The following GBP7 variants were observed in gnomAD, a reference collection of about 807,000 sequenced individuals.
GBP7 encodes guanylate-binding protein 7.
GBP7 carries 43 observed loss-of-function variants against 61.3 expected under a neutral mutation model. The ratio of observed to expected loss-of-function variants is 0.70; its 90% CI spans 0.55 to 0.91. The LOEUF is 0.91. Ranked by LOEUF, GBP7 falls within the 40% of genes least tolerant of loss-of-function variation. The pLI, the probability that GBP7 is intolerant of heterozygous loss-of-function variation, is 0.00. For missense variants in GBP7, 717 were observed against 740.5 expected, an observed-to-expected ratio of 0.97 and a Z score of 0.37; for synonymous variants, 267 against 271.0, an observed-to-expected ratio of 0.99 and a Z score of 0.14.
Position 89,147,645 on chromosome 1 carries a change from C to G in GBP7, c.1287G>C (p.Pro429=), listed in dbSNP as rs144097685. The G allele has an allele frequency of 6.2e-7, 1 of 1,614,134 alleles. No homozygotes were observed. Among genetic ancestry groups the G allele is most frequent in the African/African-American group, 1.3e-5 (1 of 75,036 alleles). The change falls in exon 8 of 11, where the codon CCG becomes CCC. Residue 429 remains proline (P), a synonymous_variant. Transcript: ENST00000294671. Reference sequence around the variant, plus strand: ...CTTCTAAGTAGATATTGTGCCCCCCCGGAACAAAGAAAGTTCCTCTTGAAA... The same window carrying G: ...CTTCTAAGTAGATATTGTGCCCCCCGGGAACAAAGAAAGTTCCTCTTGAAA... The part of the protein sequence containing the change: ...ESISRGTFFV[P]GGHNIYLEAK...
chr1:89,152,357 G>A lies in GBP7; in HGVS notation c.536C>T (p.Thr179Ile). ...CAGCTCCAGGGTAAAATCTCGAACA[G>A]TCCAAATAAAGTCTGGAAAGAAACT... is the stretch of plus-strand genomic sequence containing the variant. Reference protein sequence around the residue: ...FVSFFPDFIWTVRDFTLELKL... With the variant: ...FVSFFPDFIWIVRDFTLELKL... Residue 179 changes from threonine (T) to isoleucine (I), a missense_variant, in exon 5 of 11, where the codon ACT becomes ATT. By Grantham distance (89) the Thr-to-Ile change is moderately conservative (BLOSUM62 -1). This residue lies in a region of GBP7 where 387 missense variants were observed against 385.2 expected (regional missense o/e 1.00). Coordinates refer to ENST00000294671, the MANE Select transcript of GBP7 (RefSeq NM_207398.3). 6.2e-7 allele frequency: 1 copy of A among 1,614,096 alleles called. No homozygotes were observed. The highest frequency in any genetic ancestry group is 8.5e-7 in the Non-Finnish European group (1 of 1,179,986).
intron 3 of GBP7, among the ~76,000 whole-genome samples, chr1:89,159,855 T>G (rs919839200): frequency 2.6e-5 from 4 of 152,222 alleles, no homozygotes. Flanking sequence ...GCCATCCTAT[T>G]ACTGGGTATA....
rs371025316 is a variant in GBP7 at position 89,161,386 on chromosome 1, A to G, written c.318+3345T>C. On this transcript the variant is annotated intron_variant, in intron 3 of 10. Coordinates refer to ENST00000294671, the MANE Select transcript of GBP7 (RefSeq NM_207398.3). ...AATGGTTTAACTAATTTACACTCCC[A>G]CCAACAATGGATAAGTGTTCCTATT... is the stretch of plus-strand genomic sequence containing the variant. Among the ~76,000 whole-genome samples the G allele has an allele frequency of 9.2e-5, 14 of 152,302 alleles. 1 individual carries two copies. Among genetic ancestry groups the G allele is most frequent in the Admixed American group, 6.5e-4 (10 of 15,284 alleles).
At chr1:89,164,218 CT>C (rs1204479869) in intron 3 of GBP7, among the ~76,000 whole-genome samples, 1 of 152,190 alleles carries the variant, frequency 6.6e-6, no homozygotes, top group African/African-American at 2.4e-5. Flanking sequence ...CAGTGAAACT[CT>C]ATTTTCCTGA....
intron 7 of GBP7, among the ~76,000 whole-genome samples, chr1:89,148,312 A>G (rs542889134): frequency 1.3e-5 from 2 of 152,336 alleles, no homozygotes; most frequent in South Asian, 4.1e-4. Flanking sequence ...TGGACTGGTA[A>G]TAGACAGACT....
At chr1:89,169,086 G>A (rs1647529138) in intron 2 of GBP7, among the ~76,000 whole-genome samples, 1 of 152,112 alleles carries the variant, frequency 6.6e-6, no homozygotes, top group Non-Finnish European at 1.5e-5. Context: ...ATCTCAAAAG[G>A]TTAGCCATTT....
chr1:89,137,008 G>C (rs4655903), intron 9 of GBP7, among the ~76,000 whole-genome samples: 109,323 of 151,946 alleles, frequency 0.72, 39,504 homozygotes, highest in East Asian at 0.8. Flanking sequence ...AAAAAATCCT[G>C]AGAGACTATT....
intron 9 of GBP7, among the ~76,000 whole-genome samples, chr1:89,136,841 C>A (rs927799477): frequency 1.3e-5 from 2 of 151,800 alleles, no homozygotes; most frequent in African/African-American, 4.8e-5. Flanking sequence ...ACAAGAAAAA[C>A]CATACAAAAG....
chr1:89,162,055 T>TC (rs1647286138), intron 3 of GBP7, among the ~76,000 whole-genome samples: 1 of 151,474 alleles, frequency 6.6e-6, no homozygotes, highest in Admixed American at 6.6e-5. Context: ...TTTTTTTTTT[T>TC]CAGGTTTGTC....
chr1:89,144,605 A>T (rs1317339994), intron 8 of GBP7, among the ~76,000 whole-genome samples: 5 of 152,042 alleles, frequency 3.3e-5, no homozygotes, highest in African/African-American at 1.2e-4. Flanking sequence ...AAGTTTTTTG[A>T]AGTTGATTGA....
chr1:89,162,004 C>T (rs1647284228), intron 3 of GBP7, among the ~76,000 whole-genome samples: 1 of 149,786 alleles, frequency 6.7e-6, no homozygotes, highest in African/African-American at 2.4e-5. Flanking sequence ...CCTGTTATCC[C>T]AGCACCATTT....
At chr1:89,143,752 C>T (rs1682005960) in intron 8 of GBP7, among the ~76,000 whole-genome samples, 1 of 152,114 alleles carries the variant, frequency 6.6e-6, no homozygotes, top group Admixed American at 6.6e-5. Flanking sequence ...ACCAGACCTC[C>T]AGAGAACTCA....
chr1:89,140,523 G>A (rs1681914779), intron 9 of GBP7, among the ~76,000 whole-genome samples: 1 of 150,436 alleles, frequency 6.6e-6, no homozygotes, highest in Non-Finnish European at 1.5e-5. Flanking sequence ...AGTCAGAATG[G>A]CTGTTACTAA....
At position 89,132,450 on chromosome 1, in the gene GBP7, A is replaced by G. The variant is rs112057932; in HGVS notation, c.1663-47T>C. 2.9e-3 allele frequency: 4,101 copies of G among 1,429,684 alleles called. 101 individuals are homozygous for G. The African/African-American group carries it at 0.051, about 18-fold the overall frequency. 88.6% of individuals were successfully genotyped at this position (1,429,684 alleles called of 1,614,324 possible). A position where few individuals can be genotyped will look rare whatever the true frequency, so the allele number is the denominator to read the frequency against. On this transcript the variant is annotated intron_variant, in intron 10 of 10. Transcript: ENST00000294671. Reference sequence around the variant, plus strand: ...CTTTTGAAAATCCCCAATTTTTAAGAGACCGAGGTTTGTATTTAACAATTT... The same window carrying G: ...CTTTTGAAAATCCCCAATTTTTAAGGGACCGAGGTTTGTATTTAACAATTT...
chr1:89,143,769 C>A (rs1682006503), intron 8 of GBP7, among the ~76,000 whole-genome samples: 1 of 152,152 alleles, frequency 6.6e-6, no homozygotes, highest in Admixed American at 6.5e-5. Context: ...CTCACTATCA[C>A]ACAGACAGCA....
chr1:89,155,704 A>G (rs558988586), intron 3 of GBP7, among the ~76,000 whole-genome samples: 1 of 152,346 alleles, frequency 6.6e-6, no homozygotes, highest in Admixed American at 6.5e-5. Flanking sequence ...ATATGGGACC[A>G]TGTGAAAAGA....
intron 2 of GBP7, among the ~76,000 whole-genome samples, chr1:89,165,152 C>T (rs1647387751): frequency 6.6e-6 from 1 of 152,192 alleles, no homozygotes; most frequent in Non-Finnish European, 1.5e-5. Flanking sequence ...ATCCTCCTTT[C>T]ATACGTTGGA....
intron 8 of GBP7, among the ~76,000 whole-genome samples, chr1:89,144,288 A>C (rs1682018074): frequency 6.6e-6 from 1 of 152,180 alleles, no homozygotes; most frequent in Non-Finnish European, 1.5e-5. Flanking sequence ...TGATGGGCGC[A>C]TAGGTTGATT....
At chr1:89,144,557 T>A (rs1199935257) in intron 8 of GBP7, among the ~76,000 whole-genome samples, 1 of 152,188 alleles carries the variant, frequency 6.6e-6, no homozygotes, top group Non-Finnish European at 1.5e-5. Flanking sequence ...TATTTTTCCC[T>A]TTTTAATAAT....
Sources: gnomAD v4.1 joint callset for allele counts (sites outside exome capture counted in the v4.1 genomes callset) on GRCh38, gnomAD v4.1.1 for gene constraint, gnomAD v4.1.1 regional missense constraint, MANE v1.5 for transcripts, NCBI Gene and HGNC (gene_info 2026-07-23, HGNC 2026-07-21) for gene names.